The following ANKS1A variants were observed in gnomAD, a reference collection of about 807,000 sequenced individuals.
ANKS1A encodes the protein ankyrin repeat and sterile alpha motif domain containing 1A.
A neutral mutation model predicts 120.3 loss-of-function variants in ANKS1A; 55 were observed. The observed-to-expected ratio is 0.46, with a 90% CI of 0.37 to 0.57. The LOEUF (loss-of-function observed/expected upper bound fraction) is 0.57, where lower values mean the gene tolerates loss of function less well. Ranked by LOEUF, ANKS1A falls within the 20% of genes least tolerant of loss-of-function variation. ANKS1A has a pLI of 0.00. For missense variants in ANKS1A, 1,123 were observed against 1,480.3 expected (o/e 0.76, Z 3.96); for synonymous variants, 590 against 604.7 (o/e 0.98, Z 0.36).
At chr6:34,901,354 T>TA (rs1767341573) in intron 1 of ANKS1A, among the ~76,000 whole-genome samples, 3 of 152,192 alleles carry the variant, frequency 2.0e-5, no homozygotes, top group Non-Finnish European at 4.4e-5. Context: ...GTTGATGCTG[T>TA]CTTGAAGCCT....
chr6:34,976,859 T>C (rs1360857263), intron 3 of ANKS1A, among the ~76,000 whole-genome samples: 11 of 152,134 alleles, frequency 7.2e-5, no homozygotes, highest in Non-Finnish European at 1.6e-4. Flanking sequence ...ATTATGACCC[T>C]TTAATCCTAA....
intron 1 of ANKS1A, among the ~76,000 whole-genome samples, chr6:34,954,191 T>G (rs556255475): frequency 6.6e-6 from 1 of 152,322 alleles, no homozygotes; most frequent in African/African-American, 2.4e-5. Context: ...CTGTACTCAT[T>G]CATGTGCTGT....
At chr6:35,007,638 T>C (rs2140418) in intron 10 of ANKS1A, among the ~76,000 whole-genome samples, 102,525 of 152,136 alleles carry the variant, frequency 0.67, 36,529 homozygotes, top group Non-Finnish European at 0.8. Context: ...ATCTTGTTCT[T>C]TGTGGTGCTT....
intron 1 of ANKS1A, among the ~76,000 whole-genome samples, chr6:34,926,090 G>C (rs1043785197): frequency 3.9e-5 from 6 of 152,224 alleles, no homozygotes; most frequent in Non-Finnish European, 5.9e-5. Flanking sequence ...AGGCCAATGT[G>C]AAGTAAAATT....
chr6:34,929,421 C>T (rs538417110), intron 1 of ANKS1A, among the ~76,000 whole-genome samples: 3 of 152,150 alleles, frequency 2.0e-5, no homozygotes, highest in African/African-American at 7.2e-5. Context: ...CCATCATTCT[C>T]GATCATATTT....
Position 34,999,031 on chromosome 6 carries a change from C to A in ANKS1A, c.1423+4609C>A, listed in dbSNP as rs560172577. 2.6e-5 allele frequency among the ~76,000 whole-genome samples: 4 copies of A among 152,298 alleles called. 1 individual carries two copies. In the South Asian group the frequency reaches 8.3e-4, roughly 32 times the overall value. ...GCCAGAGCAGTGTGTGGCAGGCCCC[C>A]GTGGAGGATCAGCACAGTGGCTGAA... On this transcript the variant is annotated intron_variant, in intron 10 of 23. Coordinates refer to ENST00000360359, the MANE Select transcript of ANKS1A (RefSeq NM_015245.3).
At chr6:34,970,488 CA>C (rs1771128687) in intron 3 of ANKS1A, among the ~76,000 whole-genome samples, 1 of 152,102 alleles carries the variant, frequency 6.6e-6, no homozygotes, top group African/African-American at 2.4e-5. Flanking sequence ...CCATAGATAC[CA>C]AAATCCAAGG....
intron 1 of ANKS1A, among the ~76,000 whole-genome samples, chr6:34,945,815 C>T (rs904412048): frequency 2.6e-5 from 4 of 152,002 alleles, no homozygotes; most frequent in Non-Finnish European, 5.9e-5. Context: ...ATGATTGGTT[C>T]ATTTCATAGA....
At chr6:35,047,183 A>T (rs999687220) in intron 11 of ANKS1A, among the ~76,000 whole-genome samples, 2 of 152,160 alleles carry the variant, frequency 1.3e-5, no homozygotes, top group African/African-American at 4.8e-5. Context: ...TATTTGTATT[A>T]AGTATGTATG....
rs1389529443 is a variant in ANKS1A at position 35,088,853 on chromosome 6, G to A, written c.*244G>A. On this transcript the variant is annotated 3_prime_UTR_variant, in exon 24 of 24. Transcript: ENST00000360359. ...TGGGACTGGCATTCCAGAGGGTCAA[G>A]AAGTGACTTGTTCAGAACACATTGT... The A allele has an allele frequency of 2.0e-5, 29 of 1,446,086 alleles. No homozygotes were observed. Among genetic ancestry groups the A allele is most frequent in the Non-Finnish European group, 2.5e-5 (28 of 1,104,884 alleles). 89.6% of individuals were successfully genotyped at this position (1,446,086 alleles called of 1,614,324 possible). A position where few individuals can be genotyped will look rare whatever the true frequency, so the allele number is the denominator to read the frequency against.
chr6:35,090,660 TA>T lies in ANKS1A; in HGVS notation c.*2052del. The T allele has an allele frequency of 1.0e-6, 1 of 989,576 alleles. No individual in the cohort carries two copies. The highest frequency in any genetic ancestry group is 1.2e-6 in the Non-Finnish European group (1 of 832,654). 61.3% of individuals were successfully genotyped at this position (989,576 alleles called of 1,614,324 possible). A position where few individuals can be genotyped will look rare whatever the true frequency, so the allele number is the denominator to read the frequency against. On this transcript the variant is annotated 3_prime_UTR_variant, in exon 24 of 24. Transcript: ENST00000360359. ...TTCTTTTCTTCTCCTCTGGGATGGG[TA>T]GTCTCCCTTTCCTAGAAAGGTTATT... is the stretch of plus-strand genomic sequence containing the variant.
chr6:35,053,815 T>C (rs1189123805), intron 11 of ANKS1A, among the ~76,000 whole-genome samples: 2 of 152,224 alleles, frequency 1.3e-5, no homozygotes, highest in Non-Finnish European at 2.9e-5. Flanking sequence ...GGGAGTGACA[T>C]AGAGATGCCT....
At chr6:34,947,256 C>T (rs1028566454) in intron 1 of ANKS1A, among the ~76,000 whole-genome samples, 2 of 150,678 alleles carry the variant, frequency 1.3e-5, no homozygotes, top group Non-Finnish European at 2.9e-5. Flanking sequence ...GGTGATTCTC[C>T]TGTCTCAGCC....
At position 35,079,596 on chromosome 6, in the gene ANKS1A, C is replaced by T; in HGVS notation, c.2364C>T (p.Val788=). The change falls in exon 15 of 24, where the codon GTC becomes GTT. Residue 788 remains valine (V), a synonymous_variant. Coordinates refer to ENST00000360359, the MANE Select transcript of ANKS1A (RefSeq NM_015245.3). The part of the protein sequence containing the change: ...WLDSLGLQDY[V]HSFLSSGYSS... ...ACTCCCTGGGGCTGCAGGACTACGT[C>T]CATTCCTTCTTGTCAAGTGGTTACA... is the stretch of plus-strand genomic sequence containing the variant. 1 of 1,614,202 alleles carries T rather than the reference C, an allele frequency of 6.2e-7. No homozygotes were observed. The highest frequency in any genetic ancestry group is 8.5e-7 in the Non-Finnish European group (1 of 1,180,026).
chr6:35,014,656 G>GC (rs1773915030), intron 10 of ANKS1A, among the ~76,000 whole-genome samples: 1 of 152,202 alleles, frequency 6.6e-6, no homozygotes, highest in African/African-American at 2.4e-5. Context: ...CCAGTTCTGA[G>GC]CTGTGGTGTT....
intron 11 of ANKS1A, 33 bp downstream of exon 11, chr6:35,018,092 C>T: frequency 6.3e-7 from 1 of 1,587,982 alleles, no homozygotes; most frequent in South Asian, 1.2e-5. Flanking sequence ...GGGAGCTGGG[C>T]TGGCCAGGCT....
intron 23 of ANKS1A, among the ~76,000 whole-genome samples, chr6:35,087,544 C>G (rs1397949617): frequency 6.6e-6 from 1 of 152,186 alleles, no homozygotes; most frequent in Non-Finnish European, 1.5e-5. Flanking sequence ...CTGAACCAAC[C>G]AACCACTGTG....
chr6:34,954,974 A>G (rs987572941), intron 1 of ANKS1A, among the ~76,000 whole-genome samples: 9 of 152,076 alleles, frequency 5.9e-5, no homozygotes, highest in Admixed American at 5.9e-4. Flanking sequence ...TCCTTCAAGT[A>G]TATCACAGCT....
chr6:34,926,474 C>T (rs1768723665), intron 1 of ANKS1A, among the ~76,000 whole-genome samples: 1 of 151,114 alleles, frequency 6.6e-6, no homozygotes, highest in African/African-American at 2.4e-5. Context: ...ATTTGGTGAC[C>T]CCTTCTGACT....
Sources: allele counts gnomAD v4.1 joint callset (sites outside exome capture counted in the v4.1 genomes callset), GRCh38; gene constraint gnomAD v4.1.1; transcripts MANE v1.5; gene names NCBI Gene and HGNC (gene_info 2026-07-23, HGNC 2026-07-21).